ESRRG: variants seen among roughly 807,000 people sequenced by gnomAD.
The protein encoded by ESRRG is estrogen related receptor gamma.
Under a neutral mutation model 44.0 loss-of-function variants are expected in ESRRG, and 13 were observed. That is an observed-to-expected ratio of 0.30 (90% confidence interval 0.19 to 0.47). The LOEUF is 0.47. ESRRG is among the 20% of genes least tolerant of loss of function. The probability of loss-of-function intolerance (pLI) is 1.00; values close to 1 mark genes in which losing one functional copy is unlikely to be tolerated. For synonymous variants in ESRRG, 215 were observed against 214.6 expected (o/e 1.00, Z -0.02); for missense variants, 395 against 580.6 (o/e 0.68, Z 3.29).
intron 2 of ESRRG, among the ~76,000 whole-genome samples, chr1:216,819,082 A>G (rs1014550555): frequency 6.6e-6 from 1 of 152,210 alleles, no homozygotes; most frequent in Non-Finnish European, 1.5e-5. Context: ...ATACGTGTAC[A>G]TATATCTTTA....
intron 2 of ESRRG, among the ~76,000 whole-genome samples, chr1:216,664,596 A>T (rs556693747): frequency 6.6e-6 from 1 of 151,186 alleles, no homozygotes; most frequent in East Asian, 1.9e-4. Context: ...ATAAAAGATT[A>T]GAACTTTGGT....
chr1:216,955,967 G>T (rs910183896), intron 1 of ESRRG, among the ~76,000 whole-genome samples: 3 of 152,066 alleles, frequency 2.0e-5, no homozygotes, highest in African/African-American at 4.8e-5. Context: ...CAGCTAGTCT[G>T]TGTCAGTTTG....
chr1:216,563,647 A>G (rs908314414), intron 5 of ESRRG, among the ~76,000 whole-genome samples: 5 of 152,218 alleles, frequency 3.3e-5, no homozygotes, highest in Non-Finnish European at 7.4e-5. Flanking sequence ...TCAAGAAAAA[A>G]AGAAGAGAAA....
At chr1:216,824,153 G>A (rs925639420) in intron 2 of ESRRG, among the ~76,000 whole-genome samples, 4 of 152,108 alleles carry the variant, frequency 2.6e-5, no homozygotes, top group Admixed American at 6.6e-5. Context: ...TGTGTTTTAA[G>A]TTATTTTATT....
chr1:217,133,605 TTTTCTTTC>T (rs750071673), intron 1 of ESRRG, among the ~76,000 whole-genome samples: 9 of 98,416 alleles, frequency 9.1e-5, no homozygotes, highest in African/African-American at 2.6e-4. Flanking sequence ...TGTTTTCCTT[TTTTCTTTC>T]TTTCTTTCTT....
At chr1:217,051,802 G>A (rs187309657) in intron 1 of ESRRG, among the ~76,000 whole-genome samples, 1 of 152,048 alleles carries the variant, frequency 6.6e-6, no homozygotes, top group African/African-American at 2.4e-5. Context: ...TCACTTTGTT[G>A]GCCTGGCTGG....
At chr1:216,794,797 A>G (rs556718239) in intron 2 of ESRRG, among the ~76,000 whole-genome samples, 1 of 152,312 alleles carries the variant, frequency 6.6e-6, no homozygotes, top group Non-Finnish European at 1.5e-5. Flanking sequence ...CATGAATGAA[A>G]AGGACAGCCT....
At chr1:216,860,241 G>A (rs1382100833) in intron 2 of ESRRG, among the ~76,000 whole-genome samples, 3 of 152,306 alleles carry the variant, frequency 2.0e-5, no homozygotes, top group South Asian at 2.1e-4. Context: ...TCCAGCCTGA[G>A]TGACAGAGCG....
At chr1:216,995,580 A>G (rs2076272296) in intron 1 of ESRRG, among the ~76,000 whole-genome samples, 1 of 152,056 alleles carries the variant, frequency 6.6e-6, no homozygotes, top group Non-Finnish European at 1.5e-5. Context: ...ATCCTTCTTG[A>G]CTCAACCTAG....
chr1:216,595,545 T>C (rs965475289), intron 3 of ESRRG, among the ~76,000 whole-genome samples: 1 of 152,208 alleles, frequency 6.6e-6, no homozygotes, highest in African/African-American at 2.4e-5. Flanking sequence ...AAATGTCAAA[T>C]GCATAAAATG....
At chr1:216,600,021 A>G (rs1207895289) in intron 3 of ESRRG, among the ~76,000 whole-genome samples, 1 of 152,222 alleles carries the variant, frequency 6.6e-6, no homozygotes, top group African/African-American at 2.4e-5. Flanking sequence ...ACACACACTA[A>G]TAGCCCCTGT....
At chr1:216,936,285 C>T (rs955709517) in intron 2 of ESRRG, among the ~76,000 whole-genome samples, 3 of 152,186 alleles carry the variant, frequency 2.0e-5, no homozygotes, top group South Asian at 2.1e-4. Context: ...ATATGGTTGT[C>T]GTACTTGTAC....
chr1:216,771,281 CAAT>C (rs1468582062), intron 2 of ESRRG, among the ~76,000 whole-genome samples: 1 of 152,052 alleles, frequency 6.6e-6, no homozygotes, highest in African/African-American at 2.4e-5. Flanking sequence ...TAAAGATGCT[CAAT>C]AATGCTTTAG....
intron 1 of ESRRG, among the ~76,000 whole-genome samples, chr1:217,116,303 CCAAA>C (rs2102479963): frequency 1.3e-5 from 2 of 152,232 alleles, no homozygotes; most frequent in East Asian, 3.9e-4. Flanking sequence ...TGGCAAGTTC[CCAAA>C]CAGAGTAAAA....
chr1:216,615,736 CTTTTTT>C (rs60874199), intron 3 of ESRRG, among the ~76,000 whole-genome samples: 2 of 137,264 alleles, frequency 1.5e-5, no homozygotes, highest in Non-Finnish European at 3.1e-5. Flanking sequence ...ATTTCTCTCT[CTTTTTT>C]TTTTTTTTTT....
intron 1 of ESRRG, among the ~76,000 whole-genome samples, chr1:217,097,941 C>T (rs576363348): frequency 3.8e-4 from 58 of 151,492 alleles, no homozygotes; most frequent in Non-Finnish European, 7.1e-4. Context: ...TTTTTAAAAT[C>T]CTAATGCCCC....
At chr1:216,552,965 G>T (rs545087563) in intron 5 of ESRRG, among the ~76,000 whole-genome samples, 1 of 152,064 alleles carries the variant, frequency 6.6e-6, no homozygotes, top group African/African-American at 2.4e-5. Context: ...ATGTTTTTCC[G>T]CAAAAGATGA....
intron 2 of ESRRG, among the ~76,000 whole-genome samples, chr1:216,755,016 C>G (rs2092358635): frequency 6.6e-6 from 1 of 151,920 alleles, no homozygotes; most frequent in Non-Finnish European, 1.5e-5. Context: ...GAGAGTATGG[C>G]TTTCATGTTT....
At chr1:216,584,092 T>C (rs1266481678) in intron 3 of ESRRG, among the ~76,000 whole-genome samples, 3 of 152,066 alleles carry the variant, frequency 2.0e-5, no homozygotes, top group South Asian at 2.1e-4. Context: ...TGAAAATACA[T>C]AGAAAAGCCA....
Sources: allele counts gnomAD v4.1 joint callset (sites outside exome capture counted in the v4.1 genomes callset), GRCh38; gene constraint gnomAD v4.1.1; transcripts MANE v1.5; gene names NCBI Gene and HGNC (gene_info 2026-07-23, HGNC 2026-07-21).